Variants in NLRP11 observed in about 807,000 individuals in gnomAD.
NLRP11 encodes NACHT, LRR and PYD domains-containing protein 11.
NLRP11 carries 53 observed loss-of-function variants against 79.3 expected under a neutral mutation model. The observed-to-expected ratio is 0.67, with a 90% CI of 0.54 to 0.84. The LOEUF is 0.84. Among genes scored for constraint, NLRP11 ranks in the 40% least tolerant of loss-of-function variants. NLRP11 has a pLI of 0.00. For missense variants in NLRP11, 1,264 were observed against 1,255.0 expected (o/e 1.01, Z -0.11); for synonymous variants, 518 against 462.6 (o/e 1.12, Z -1.54).
exon 6 of NLRP11, chr19:55,796,123 A>C: frequency 6.2e-7 from 1 of 1,614,074 alleles, no homozygotes; most frequent in Non-Finnish European, 8.5e-7. Flanking sequence ...AAGGCATCAC[A>C]CAGTATGTTC....
At chr19:55,821,475 C>G (rs977783974) in intron 1 of NLRP11, among the ~76,000 whole-genome samples, 5 of 152,132 alleles carry the variant, frequency 3.3e-5, no homozygotes, top group African/African-American at 1.2e-4. Context: ...AGGACTGTGC[C>G]CAGTCCCAAG....
chr19:55,799,834 G>A (rs1209535488), intron 5 of NLRP11, among the ~76,000 whole-genome samples: 1 of 152,098 alleles, frequency 6.6e-6, no homozygotes, highest in East Asian at 1.9e-4. Context: ...ATACGTGGTG[G>A]CAAGCTCTTG....
chr19:55,793,129 C>T (rs1978438757), intron 6 of NLRP11, among the ~76,000 whole-genome samples: 1 of 152,178 alleles, frequency 6.6e-6, no homozygotes, highest in Non-Finnish European at 1.5e-5. Flanking sequence ...ATCCGCCTGC[C>T]TTGGCCTCCC....
At chr19:55,794,934 C>T (rs764016935) in intron 6 of NLRP11, among the ~76,000 whole-genome samples, 3 of 151,772 alleles carry the variant, frequency 2.0e-5, no homozygotes, top group African/African-American at 2.4e-5. Flanking sequence ...AAAAAGGGGG[C>T]GAAAGGAGCT....
chr19:55,801,517 A>G (rs930959986), intron 5 of NLRP11, 55 bp downstream of exon 5: 2 of 1,474,636 alleles, frequency 1.4e-6, no homozygotes, highest in Non-Finnish European at 1.9e-6. Flanking sequence ...TCTATCCACC[A>G]ACACCCAGGC....
chr19:55,809,757 C>G lies in NLRP11; in HGVS notation c.853G>C (p.Val285Leu). ...TCTACCTCTTTCAAGAACGTTTTTA[C>G]ATTATTCCCACGTGTGGGCCTTGAG... The change falls in exon 3 of 10, where the codon GTA becomes CTA. Residue 285 changes from valine (V) to leucine (L), a missense_variant. Coordinates refer to ENST00000589093, the Ensembl canonical transcript of NLRP11. This position sits in a 1 kb window ranked among gnomAD's most constrained non-coding sequence, Gnocchi z 4.5. 6.2e-7 allele frequency: 1 copy of G among 1,614,204 alleles called. No homozygotes were observed. Among genetic ancestry groups the G allele is most frequent in the African/African-American group, 1.3e-5 (1 of 75,052 alleles).
intron 2 of NLRP11, among the ~76,000 whole-genome samples, chr19:55,814,581 T>TAA (rs11380186): frequency 3.5e-4 from 53 of 150,340 alleles, no homozygotes; most frequent in African/African-American, 1.0e-3. Flanking sequence ...ACCATGCAAC[T>TAA]AAAAAAAAAA....
chr19:55,823,473 G>A (rs1215621507), intron 1 of NLRP11, among the ~76,000 whole-genome samples: 1 of 139,430 alleles, frequency 7.2e-6, no homozygotes, highest in African/African-American at 2.9e-5. Context: ...CTGAGCTACG[G>A]GAGGACATTC....
chr19:55,791,598 A>G lies in NLRP11; in HGVS notation c.2513+703T>C, dbSNP rs1990236125. Among the ~76,000 whole-genome samples the G allele has an allele frequency of 2.0e-5, 3 of 152,192 alleles. No homozygotes were observed. The South Asian group carries it at 6.2e-4, about 31-fold the overall frequency. ...ATCAGTTTCTTATATTTCTGAGCCCAAAAAAAGGCATTTGAAATAGAACAT... is the reference window on the plus strand; with the variant it reads ...ATCAGTTTCTTATATTTCTGAGCCCGAAAAAAGGCATTTGAAATAGAACAT... On this transcript the variant is annotated intron_variant, in intron 7 of 9. Coordinates refer to ENST00000589093, the Ensembl canonical transcript of NLRP11.
At chr19:55,828,777 C>T (rs1052968734) in intron 1 of NLRP11, among the ~76,000 whole-genome samples, 2 of 151,878 alleles carry the variant, frequency 1.3e-5, no homozygotes, top group African/African-American at 4.8e-5. Flanking sequence ...TTAATCATGC[C>T]CTTGTTTCTG....
At chr19:55,800,538 A>G (rs1403092508) in intron 5 of NLRP11, among the ~76,000 whole-genome samples, 4 of 152,070 alleles carry the variant, frequency 2.6e-5, no homozygotes, top group African/African-American at 9.7e-5. Context: ...GAACTCTTGA[A>G]TTCCTGACCT....
chr19:55,803,581 G>A (rs979589408), intron 4 of NLRP11, among the ~76,000 whole-genome samples: 12 of 152,058 alleles, frequency 7.9e-5, no homozygotes, highest in Non-Finnish European at 1.5e-5. Flanking sequence ...TCTAATACCC[G>A]CATCTATAAG....
chr19:55,797,171 C>T (rs534072515), intron 5 of NLRP11, among the ~76,000 whole-genome samples: 9 of 152,138 alleles, frequency 5.9e-5, no homozygotes, highest in Admixed American at 2.6e-4. Context: ...TGGTGGTGCA[C>T]GACTATAGTC....
intron 4 of NLRP11, 34 bp downstream of exon 4, chr19:55,807,819 G>T (rs779587003): frequency 3.5e-6 from 5 of 1,442,966 alleles, no homozygotes; most frequent in Non-Finnish European, 4.8e-6. Flanking sequence ...ATTCCTAGGG[G>T]AACCTCTAAG....
intron 1 of NLRP11, among the ~76,000 whole-genome samples, chr19:55,822,441 T>C (rs1288669656): frequency 2.0e-5 from 3 of 152,218 alleles, no homozygotes; most frequent in South Asian, 4.1e-4. Flanking sequence ...AGCTCCGGTC[T>C]ACAGCTCCCA....
At chr19:55,789,939 T>C (rs1227975870) in intron 7 of NLRP11, among the ~76,000 whole-genome samples, 2 of 152,166 alleles carry the variant, frequency 1.3e-5, no homozygotes, top group East Asian at 3.9e-4. Context: ...TCTCCCCCAT[T>C]ATCTACTCCT....
intron 9 of NLRP11, among the ~76,000 whole-genome samples, chr19:55,787,300 A>C (rs907387953): frequency 1.3e-5 from 2 of 151,990 alleles, no homozygotes; most frequent in South Asian, 4.2e-4. Flanking sequence ...TATCAATCAC[A>C]CTCTTGTATC....
intron 2 of NLRP11, among the ~76,000 whole-genome samples, chr19:55,813,554 G>C (rs933978284): frequency 3.3e-5 from 5 of 152,192 alleles, no homozygotes; most frequent in African/African-American, 9.6e-5. Flanking sequence ...AGCCATCCCA[G>C]AAGAGGTACT....
chr19:55,821,925 C>G (rs1981780323), intron 1 of NLRP11, among the ~76,000 whole-genome samples: 1 of 152,212 alleles, frequency 6.6e-6, no homozygotes, highest in Non-Finnish European at 1.5e-5. Context: ...AGCATATTTG[C>G]CAAGAGGTCA....
Sources: allele counts gnomAD v4.1 joint callset (sites outside exome capture counted in the v4.1 genomes callset), GRCh38; gene constraint gnomAD v4.1.1; non-coding constraint Gnocchi (gnomAD v3.1); transcripts MANE v1.5; gene names NCBI Gene and HGNC (gene_info 2026-07-23, HGNC 2026-07-21).